Variants in ACYP2 observed in about 807,000 individuals in gnomAD.
The protein encoded by ACYP2 is acylphosphatase-2.
In ACYP2, 12 loss-of-function variants were observed where a neutral mutation model predicts 11.2. The ratio of observed to expected loss-of-function variants is 1.08; its 90% confidence interval spans 0.69 to 1.74. ACYP2 has a LOEUF of 1.74. Among genes scored for constraint, ACYP2 ranks in the 40% most tolerant of loss-of-function variants. The pLI is 0.00. For missense variants in ACYP2, 134 were observed against 101.9 expected, an observed-to-expected ratio of 1.31 and a Z score of -1.35; for synonymous variants, 43 against 32.2, an observed-to-expected ratio of 1.33 and a Z score of -1.13.
chr2:54,026,072 G>A (rs565563468), intron 2 of ACYP2, among the ~76,000 whole-genome samples: 4 of 152,100 alleles, frequency 2.6e-5, no homozygotes, highest in East Asian at 1.9e-4. Context: ...AGCTGAGATC[G>A]CACCACTGCA....
intron 2 of ACYP2, among the ~76,000 whole-genome samples, chr2:54,010,295 C>A (rs1673287261): frequency 1.3e-5 from 2 of 152,080 alleles, no homozygotes; most frequent in Non-Finnish European, 2.9e-5. Flanking sequence ...ACCATCCTGG[C>A]CAACATGGTG....
intron 6 of ACYP2, among the ~76,000 whole-genome samples, chr2:54,148,759 T>C (rs1204772333): frequency 6.6e-6 from 1 of 152,218 alleles, no homozygotes; most frequent in Non-Finnish European, 1.5e-5. Context: ...TAAGTTGTGA[T>C]GTTACATGTT....
chr2:54,280,192 C>T (rs1688783586), intron 6 of ACYP2, among the ~76,000 whole-genome samples: 1 of 152,124 alleles, frequency 6.6e-6, no homozygotes, highest in African/African-American at 2.4e-5. Context: ...AGATGAGAAC[C>T]TGATGTAAGT....
intron 2 of ACYP2, among the ~76,000 whole-genome samples, chr2:54,026,340 G>A (rs951181265): frequency 6.6e-6 from 1 of 151,984 alleles, no homozygotes; most frequent in Admixed American, 6.6e-5. Context: ...CTAATTATTG[G>A]TGAAATGCAA....
At chr2:54,255,411 A>T in intron 6 of ACYP2, 1 of 1,614,002 alleles carries the variant, frequency 6.2e-7, no homozygotes, top group Middle Eastern at 1.6e-4. Flanking sequence ...AGCCCGGGAT[A>T]TTGCGAATGA....
chr2:54,176,448 G>A (rs1011865481), intron 6 of ACYP2, among the ~76,000 whole-genome samples: 7 of 152,238 alleles, frequency 4.6e-5, no homozygotes, highest in African/African-American at 1.7e-4. Context: ...TACCAGCTGT[G>A]GACTGCTGTC....
chr2:54,034,274 C>T (rs1446674509), intron 2 of ACYP2, among the ~76,000 whole-genome samples: 1 of 152,168 alleles, frequency 6.6e-6, no homozygotes, highest in Non-Finnish European at 1.5e-5. Context: ...AGGAGAATTG[C>T]TTGAACTCAG....
intron 2 of ACYP2, among the ~76,000 whole-genome samples, chr2:54,046,945 C>T (rs933142376): frequency 6.6e-6 from 1 of 152,186 alleles, no homozygotes; most frequent in Non-Finnish European, 1.5e-5. Flanking sequence ...TATTTAACCT[C>T]TTTTCATCAG....
intron 1 of ACYP2, among the ~76,000 whole-genome samples, chr2:53,972,606 CAA>C (rs543328607): frequency 1.5e-5 from 2 of 137,230 alleles, no homozygotes; most frequent in Admixed American, 7.3e-5. Flanking sequence ...GACTCCGTCT[CAA>C]AAAAAAAAAA....
At chr2:54,189,637 T>C (rs1010390906) in intron 6 of ACYP2, among the ~76,000 whole-genome samples, 1 of 152,208 alleles carries the variant, frequency 6.6e-6, no homozygotes, top group Admixed American at 6.5e-5. Context: ...TTTCTCTATC[T>C]TGGCTATTGT....
At chr2:54,179,439 G>A (rs563890566) in intron 6 of ACYP2, among the ~76,000 whole-genome samples, 13 of 152,214 alleles carry the variant, frequency 8.5e-5, no homozygotes, top group African/African-American at 7.2e-5. Flanking sequence ...GCAAGTCGGC[G>A]GAGTAAAGTG....
intron 5 of ACYP2, among the ~76,000 whole-genome samples, chr2:54,136,132 T>C (rs1271262495): frequency 2.0e-5 from 3 of 152,098 alleles, no homozygotes; most frequent in African/African-American, 7.2e-5. Flanking sequence ...CTTCTAGCCT[T>C]AAGTGATCCA....
At chr2:54,042,041 C>A (rs1287307150) in intron 2 of ACYP2, among the ~76,000 whole-genome samples, 1 of 146,724 alleles carries the variant, frequency 6.8e-6, no homozygotes, top group African/African-American at 2.5e-5. Flanking sequence ...GAGTTTCACT[C>A]TTCTTGCCCA....
intron 6 of ACYP2, among the ~76,000 whole-genome samples, chr2:54,227,394 A>G (rs1686053573): frequency 6.6e-6 from 1 of 152,092 alleles, no homozygotes; most frequent in African/African-American, 2.4e-5. Context: ...GTATCCCAGC[A>G]CTTTGGGAGG....
At chr2:54,149,742 A>C (rs1158632622) in intron 6 of ACYP2, among the ~76,000 whole-genome samples, 1 of 152,234 alleles carries the variant, frequency 6.6e-6, no homozygotes, top group East Asian at 1.9e-4. Flanking sequence ...GTTATGTATC[A>C]GTCCTCTGCA....
chr2:54,225,942 G>C (rs1404551125), intron 6 of ACYP2, among the ~76,000 whole-genome samples: 1 of 152,174 alleles, frequency 6.6e-6, no homozygotes, highest in African/African-American at 2.4e-5. Context: ...GAAAATTCAG[G>C]AGATGACGGT....
chr2:54,304,580 A>C, intron 6 of ACYP2, 108 bp from the exon 4 acceptor site: 2 of 660,718 alleles, frequency 3.0e-6, no homozygotes, highest in Non-Finnish European at 5.1e-6. Flanking sequence ...TATATGCAAA[A>C]ATTACTTAGT....
At chr2:54,146,574 C>A (rs1002908247) in intron 6 of ACYP2, among the ~76,000 whole-genome samples, 2 of 149,516 alleles carry the variant, frequency 1.3e-5, no homozygotes, top group Non-Finnish European at 3.0e-5. Context: ...CATGCCCGGC[C>A]CCTGATTTTA....
chr2:53,979,383 C>G (rs13388199), intron 2 of ACYP2, among the ~76,000 whole-genome samples: 3,729 of 152,086 alleles, frequency 0.025, 148 homozygotes, highest in African/African-American at 0.086. Context: ...AATCCCAGCA[C>G]TTTGGGAGGC....
Sources: allele counts gnomAD v4.1 joint callset (sites outside exome capture counted in the v4.1 genomes callset), GRCh38; gene constraint gnomAD v4.1.1; transcripts MANE v1.5; gene names NCBI Gene and HGNC (gene_info 2026-07-23, HGNC 2026-07-21).